The following PRKN variants were observed in gnomAD, a reference collection of about 807,000 sequenced individuals.
PRKN encodes E3 ubiquitin-protein ligase parkin.
Under a neutral mutation model 59.5 loss-of-function variants are expected in PRKN, and 56 were observed. The observed-to-expected ratio is 0.94, with a 90% confidence interval of 0.76 to 1.18. The LOEUF (loss-of-function observed/expected upper bound fraction) is 1.18, where lower values mean the gene tolerates loss of function less well. Among genes scored for constraint, PRKN ranks in the 50% most tolerant of loss-of-function variants. The pLI, the probability that PRKN is intolerant of heterozygous loss-of-function variation, is 0.00. For synonymous variants in PRKN, 250 were observed against 222.1 expected, an observed-to-expected ratio of 1.13 and a Z score of -1.12; for missense variants, 657 against 596.4, an observed-to-expected ratio of 1.10 and a Z score of -1.06.
intron 2 of PRKN, among the ~76,000 whole-genome samples, chr6:162,395,165 T>C (rs900033121): frequency 1.1e-4 from 17 of 152,216 alleles, no homozygotes; most frequent in African/African-American, 3.9e-4. Flanking sequence ...GACGTACCTC[T>C]TGGTAGTCAT....
At chr6:161,504,840 C>G (rs904558138) in intron 9 of PRKN, among the ~76,000 whole-genome samples, 5 of 151,234 alleles carry the variant, frequency 3.3e-5, no homozygotes, top group Non-Finnish European at 7.4e-5. Flanking sequence ...CATGTCCCTA[C>G]AAAGGAAATG....
intron 2 of PRKN, among the ~76,000 whole-genome samples, chr6:162,277,301 C>T (rs748335901): frequency 9.2e-5 from 14 of 152,110 alleles, no homozygotes; most frequent in Admixed American, 2.6e-4. Context: ...AACTAAGATT[C>T]ACACGGGCAT....
intron 2 of PRKN, among the ~76,000 whole-genome samples, chr6:162,393,755 T>C (rs1055771405): frequency 1.3e-5 from 2 of 152,210 alleles, no homozygotes; most frequent in Admixed American, 1.3e-4. Flanking sequence ...AATAGTTGTG[T>C]GACCACAGGA....
intron 4 of PRKN, among the ~76,000 whole-genome samples, chr6:162,160,808 G>A (rs148724414): frequency 0.014 from 2,100 of 148,012 alleles, 47 homozygotes; most frequent in African/African-American, 0.048. Context: ...GGAGAATGGC[G>A]TGAACCCGGG....
At chr6:162,120,113 G>A (rs1780841221) in intron 4 of PRKN, among the ~76,000 whole-genome samples, 1 of 152,080 alleles carries the variant, frequency 6.6e-6, no homozygotes, top group Non-Finnish European at 1.5e-5. Flanking sequence ...AACTTCTCAG[G>A]CTCCAGTGAT....
Position 161,881,567 on chromosome 6 carries a change from G to T in PRKN, c.734+91735C>A, listed in dbSNP as rs76001489. 8.3e-3 allele frequency among the ~76,000 whole-genome samples: 1,261 copies of T among 152,256 alleles called. 19 individuals carry two copies. Among genetic ancestry groups the T allele is most frequent in the African/African-American group, 0.029 (1,190 of 41,534 alleles). ...AGGGGCCAGGACAAATGGGAAGAGCGTTGCAAATACGTACAATCCCCATGG... is the reference window on the plus strand; with the variant it reads ...AGGGGCCAGGACAAATGGGAAGAGCTTTGCAAATACGTACAATCCCCATGG... On this transcript the variant is annotated intron_variant, in intron 6 of 11. Coordinates refer to ENST00000366898, the MANE Select transcript of PRKN (RefSeq NM_004562.3).
intron 4 of PRKN, among the ~76,000 whole-genome samples, chr6:162,152,652 G>C (rs1157931311): frequency 6.6e-6 from 1 of 152,194 alleles, no homozygotes; most frequent in Non-Finnish European, 1.5e-5. Context: ...ATCAGCCCCA[G>C]AAGAATAACA....
intron 4 of PRKN, among the ~76,000 whole-genome samples, chr6:162,151,303 C>T (rs1782261166): frequency 6.6e-6 from 1 of 152,166 alleles, no homozygotes; most frequent in African/African-American, 2.4e-5. Context: ...ACAGGTGCAC[C>T]AGCATTTCCC....
At chr6:162,113,999 A>G (rs1434872040) in intron 4 of PRKN, among the ~76,000 whole-genome samples, 3 of 151,502 alleles carry the variant, frequency 2.0e-5, no homozygotes, top group Non-Finnish European at 4.4e-5. Context: ...TGTTTTTCTC[A>G]GGTTTGTCAA....
At chr6:162,388,594 A>C (rs1349360022) in intron 2 of PRKN, among the ~76,000 whole-genome samples, 1 of 152,168 alleles carries the variant, frequency 6.6e-6, no homozygotes, top group Non-Finnish European at 1.5e-5. Context: ...TGTGTTAATA[A>C]CACCACTGCC....
chr6:162,403,383 A>G (rs929454011), intron 2 of PRKN, among the ~76,000 whole-genome samples: 1 of 152,064 alleles, frequency 6.6e-6, no homozygotes, highest in Non-Finnish European at 1.5e-5. Flanking sequence ...CCTTCTTGTC[A>G]AAGAGGTCGA....
At chr6:162,542,871 G>C (rs1778978482) in intron 1 of PRKN, among the ~76,000 whole-genome samples, 1 of 152,030 alleles carries the variant, frequency 6.6e-6, no homozygotes, top group Admixed American at 6.6e-5. Flanking sequence ...GTTGGGCTTG[G>C]GCTTCTGTAG....
chr6:162,071,319 T>G (rs1778565858), intron 4 of PRKN, among the ~76,000 whole-genome samples: 1 of 151,464 alleles, frequency 6.6e-6, no homozygotes, highest in Admixed American at 6.6e-5. Flanking sequence ...TTTCCCCACT[T>G]TCTGACAATG....
chr6:162,293,976 C>G (rs1340818036), intron 2 of PRKN, among the ~76,000 whole-genome samples: 2 of 152,084 alleles, frequency 1.3e-5, no homozygotes, highest in East Asian at 3.9e-4. Flanking sequence ...CTATTCCCGG[C>G]TGGGAGAAGT....
intron 1 of PRKN, among the ~76,000 whole-genome samples, chr6:162,666,708 T>C (rs1779119004): frequency 1.3e-5 from 2 of 152,100 alleles, no homozygotes; most frequent in African/African-American, 4.8e-5. Flanking sequence ...AGAACACTCA[T>C]TTTTAGGCTA....
At chr6:161,680,757 ATATATATATATATATATATT>A (rs1193769542) in intron 7 of PRKN, among the ~76,000 whole-genome samples, 810 of 14,152 alleles carry the variant, frequency 0.057, 41 homozygotes, top group East Asian at 0.24. Flanking sequence ...ATATATATAT[ATATATATATATATATATATT>A]TTTTTTTTTT....
intron 6 of PRKN, among the ~76,000 whole-genome samples, chr6:161,927,301 C>A (rs75625102): frequency 6.6e-6 from 1 of 152,170 alleles, no homozygotes; most frequent in Non-Finnish European, 1.5e-5. Context: ...TTAATCAAAA[C>A]CGTGAATACA....
At chr6:162,329,963 TC>T (rs1415532484) in intron 2 of PRKN, among the ~76,000 whole-genome samples, 1 of 152,124 alleles carries the variant, frequency 6.6e-6, no homozygotes, top group Non-Finnish European at 1.5e-5. Context: ...CAAGTCAACA[TC>T]CGATTTCTTC....
chr6:162,659,211 T>C (rs1307567787), intron 1 of PRKN, among the ~76,000 whole-genome samples: 1 of 152,190 alleles, frequency 6.6e-6, no homozygotes, highest in Non-Finnish European at 1.5e-5. Context: ...CTATGCCTAA[T>C]TTTACACTTT....
Sources: gnomAD v4.1 joint callset for allele counts (sites outside exome capture counted in the v4.1 genomes callset) on GRCh38, gnomAD v4.1.1 for gene constraint, MANE v1.5 for transcripts, NCBI Gene and HGNC (gene_info 2026-07-23, HGNC 2026-07-21) for gene names.